Variants in IRF6 observed in about 807,000 individuals in gnomAD.
IRF6 encodes the protein interferon regulatory factor 6, also known as Van der Woude syndrome.
IRF6 carries 6 observed loss-of-function variants against 51.4 expected under a neutral mutation model. That is an observed-to-expected ratio of 0.12 (90% confidence interval 0.06 to 0.23). The LOEUF (loss-of-function observed/expected upper bound fraction) is 0.23, where lower values mean the gene tolerates loss of function less well. Among genes scored for constraint, IRF6 ranks in the 10% least tolerant of loss-of-function variants. The probability of loss-of-function intolerance (pLI) is 1.00; values close to 1 mark genes in which losing one functional copy is unlikely to be tolerated. For missense variants in IRF6, 348 were observed against 585.2 expected (o/e 0.59, Z 4.18); for synonymous variants, 178 against 215.7 (o/e 0.83, Z 1.53).
Position 209,805,146 on chromosome 1 carries a change from A to C in IRF6, c.-76+801T>G, listed in dbSNP as rs371685717. Among the ~76,000 whole-genome samples the C allele has an allele frequency of 6.8e-3, 1,037 of 152,154 alleles. 16 individuals are homozygous for C. The highest frequency in any genetic ancestry group is 0.024 in the African/African-American group (986 of 41,506). On this transcript the variant is annotated intron_variant, in intron 1 of 8. Transcript: ENST00000367021. ...TCCTGGGTCAACACCAGCTTTCACC[A>C]ATCCCACCCAAGCGCCTTCCTCTCT...
At chr1:209,803,460 C>T (rs1285101863) in intron 1 of IRF6, among the ~76,000 whole-genome samples, 2 of 152,208 alleles carry the variant, frequency 1.3e-5, no homozygotes, top group Non-Finnish European at 2.9e-5. Flanking sequence ...CAGGCCAAGA[C>T]CAGGAGCTGC....
Position 209,796,634 on chromosome 1 carries a change from A to ACACACACACAC in IRF6, c.175-83_175-82insGTGTGTGTGTG. On this transcript the variant is annotated intron_variant, in intron 3 of 8. Transcript: ENST00000367021. The surrounding 1 kb of genome is among the most constrained non-coding windows in gnomAD (Gnocchi z 4.5). The stretch of plus-strand genomic sequence containing the variant: ...GTGCTTACCCTTTCTCATAGACACA[A>ACACACACACAC]ACACACACACACACACACACACACA... 1.0e-5 allele frequency: 6 copies of ACACACACACAC among 585,334 alleles called. No individual in the cohort carries two copies. Among genetic ancestry groups the ACACACACACAC allele is most frequent in the South Asian group, 7.4e-5 (4 of 54,024 alleles). 36.3% of individuals were successfully genotyped at this position (585,334 alleles called of 1,614,324 possible). A position where few individuals can be genotyped will look rare whatever the true frequency, so the allele number is the denominator to read the frequency against.
At position 209,790,279 on chromosome 1, in the gene IRF6, C is replaced by T. The variant is rs2077861201; in HGVS notation, c.1060+216G>A. ...CCACAACCAACTTAAAAATAGCTTC[C>T]AAGTACATAGCTTTGGAGTGAAACT... On this transcript the variant is annotated intron_variant, in intron 7 of 8. Transcript: ENST00000367021. This position sits in a 1 kb window ranked among gnomAD's most constrained non-coding sequence, Gnocchi z 4.8. Among the ~76,000 whole-genome samples, 1 of 152,194 alleles carries T rather than the reference C, an allele frequency of 6.6e-6. No individual in the cohort carries two copies. The highest frequency in any genetic ancestry group is 1.5e-5 in the Non-Finnish European group (1 of 68,042).
At chr1:209,805,463 C>T (rs554268209) in intron 1 of IRF6, among the ~76,000 whole-genome samples, 3 of 152,212 alleles carry the variant, frequency 2.0e-5, no homozygotes, top group African/African-American at 4.8e-5. Flanking sequence ...AAGGGCCTAA[C>T]TGTGCCAAAC....
chr1:209,798,512 C>A (rs1558041896), intron 3 of IRF6, among the ~76,000 whole-genome samples: 1 of 152,198 alleles, frequency 6.6e-6, no homozygotes, highest in Non-Finnish European at 1.5e-5. Context: ...AGAGCCCCAG[C>A]CTTCCTGCTC....
intron 1 of IRF6, among the ~76,000 whole-genome samples, chr1:209,802,580 C>T (rs141328379): frequency 0.011 from 1,666 of 152,308 alleles, 27 homozygotes; most frequent in African/African-American, 0.038. Flanking sequence ...TGTTCATCAG[C>T]TACTGTGTGC....
Position 209,789,691 on chromosome 1 carries a change from C to T in IRF6, c.1155G>A (p.Leu385=). ...CCTGAACCAAGATGAGTTTCCTTTC[C>T]AATGGTTTCCCATCTGGCCATTCTT... ...FGEEWPDGKP[L]ERKLILVQVI... is the part of the protein sequence containing the mutation. Residue 385 remains leucine, a synonymous_variant, in exon 8 of 9, where the codon TTG becomes TTA. Coordinates refer to ENST00000367021, the MANE Select transcript of IRF6 (RefSeq NM_006147.4). 5.6e-6 allele frequency: 9 copies of T among 1,613,328 alleles called. No homozygotes were observed. Among genetic ancestry groups the T allele is most frequent in the Non-Finnish European group, 7.6e-6 (9 of 1,179,312 alleles).
chr1:209,790,306 C>T lies in IRF6; in HGVS notation c.1060+189G>A, dbSNP rs1324088350. 6.6e-6 allele frequency among the ~76,000 whole-genome samples: 1 copy of T among 152,204 alleles called. No individual in the cohort carries two copies. Among genetic ancestry groups the T allele is most frequent in the African/African-American group, 2.4e-5 (1 of 41,444 alleles). On this transcript the variant is annotated intron_variant, in intron 7 of 8. Transcript: ENST00000367021. The surrounding 1 kb of genome is among the most constrained non-coding windows in gnomAD (Gnocchi z 4.8). ...AGTACATAGCTTTGGAGTGAAACTC[C>T]CTTCTTTGTTGCCTAGGTCACCTCC...
chr1:209,804,067 A>G (rs935979386), intron 1 of IRF6, among the ~76,000 whole-genome samples: 2 of 152,250 alleles, frequency 1.3e-5, no homozygotes, highest in Non-Finnish European at 2.9e-5. Context: ...TACATTATAT[A>G]TGATTCATAT....
At chr1:209,798,665 C>T (rs1243109303) in intron 3 of IRF6, among the ~76,000 whole-genome samples, 1 of 152,116 alleles carries the variant, frequency 6.6e-6, no homozygotes. Flanking sequence ...AATCCCAGCA[C>T]TTTGGGAGGC....
chr1:209,795,188 A>C (rs1253538723), intron 5 of IRF6, 102 bp downstream of exon 5: 1 of 1,351,392 alleles, frequency 7.4e-7, no homozygotes, highest in African/African-American at 1.4e-5. Context: ...GCAGGGACTG[A>C]TCCTGCTTTC....
rs1240112893 is a variant in IRF6 at position 209,790,819 on chromosome 1, G to C, written c.736C>G (p.Pro246Ala). Residue 246 changes from proline to alanine, a missense_variant, in exon 7 of 9, where the codon CCT (proline) becomes GCT (alanine). This residue lies in a region of IRF6 where 125 missense variants were observed against 222.0 expected (regional missense o/e 0.56). Coordinates refer to ENST00000367021, the MANE Select transcript of IRF6 (RefSeq NM_006147.4). This position sits in a 1 kb window ranked among gnomAD's most constrained non-coding sequence, Gnocchi z 4.8. ...CCATAGAAGAGTCGGCAGCCCTGAG[G>C]GTTGCTCACGGTCATGGTCTGCCCG... ...EYGQTMTVSN[P>A]QGCRLFYGDL... 22 of 1,613,788 alleles carry C rather than the reference G, an allele frequency of 1.4e-5. No homozygotes were observed. Among genetic ancestry groups the C allele is most frequent in the Non-Finnish European group, 1.9e-5 (22 of 1,180,050 alleles).
At position 209,806,089 on chromosome 1, in the gene IRF6, C is replaced by T. The variant is rs148070087; in HGVS notation, c.-218G>A. On this transcript the variant is annotated 5_prime_UTR_variant, in exon 1 of 9. Coordinates refer to ENST00000367021, the MANE Select transcript of IRF6 (RefSeq NM_006147.4). ...AGTAGGGACTGCAGGTTCCTCTCCC[C>T]GTCCCGCACCAGCCCTTACCTGCCC... 53 of 152,520 alleles carry T rather than the reference C, an allele frequency of 3.5e-4. No individual in the cohort carries two copies. The highest frequency in any genetic ancestry group is 1.2e-3 in the African/African-American group (50 of 41,584). The allele number at this position is 152,520 out of a possible 1,614,324, so 9.4% of individuals were successfully genotyped here. A position where few individuals can be genotyped will look rare whatever the true frequency, so the allele number is the denominator to read the frequency against.
chr1:209,803,114 A>C (rs6694552), intron 1 of IRF6, among the ~76,000 whole-genome samples: 25,836 of 152,146 alleles, frequency 0.17, 2,379 homozygotes, highest in African/African-American at 0.22. Flanking sequence ...GTAGGGCAGC[A>C]TGTGAAACCA....
At chr1:209,794,815 A>G (rs147766717) in intron 5 of IRF6, among the ~76,000 whole-genome samples, 96 of 152,350 alleles carry the variant, frequency 6.3e-4, no homozygotes, top group African/African-American at 2.0e-3. Flanking sequence ...GATAAATCCT[A>G]TCAGAGCCAA....
In IRF6 at chr1:209,801,264, T is replaced by C. The variant is rs775616148; in HGVS notation, c.150A>G (p.Gln50=). 2 of 1,613,846 alleles carry C rather than the reference T, an allele frequency of 1.2e-6. No homozygotes were observed. The highest frequency in any genetic ancestry group is 1.3e-5 in the African/African-American group (1 of 74,854). Residue 50 remains glutamine (Q), a synonymous_variant, in exon 3 of 9, where the codon CAA becomes CAG. Transcript: ENST00000367021. The part of the protein sequence containing the change: ...WKHATRHSPQ[Q]EEENTIFKAW... ...CCTTAAAAATGGTATTTTCCTCTTC[T>C]TGTTGAGGGCTATGCCGGGTGGCAT...
rs764137196 is a variant in IRF6, at chr1:209,790,616, G to T, written c.939C>A (p.Ala313=). The T allele has an allele frequency of 5.0e-6, 8 of 1,614,108 alleles. No individual in the cohort carries two copies. ...ILEVSGHAIY[A]IRLCQCKVYW... ...ACACCTTGCACTGGCACAGCCTGAT[G>T]GCATAAATGGCATGACCGCTGACCT... The change falls in exon 7 of 9, where the codon GCC becomes GCA. Residue 313 remains alanine, a synonymous_variant. Transcript: ENST00000367021. This position sits in a 1 kb window ranked among gnomAD's most constrained non-coding sequence, Gnocchi z 4.8.
chr1:209,803,164 G>T (rs759897274), intron 1 of IRF6, among the ~76,000 whole-genome samples: 5 of 152,174 alleles, frequency 3.3e-5, no homozygotes, highest in Non-Finnish European at 7.3e-5. Context: ...TAAGGAGGAG[G>T]GGATGCATAT....
intron 5 of IRF6, among the ~76,000 whole-genome samples, chr1:209,793,911 T>G (rs2077884921): frequency 6.6e-6 from 1 of 152,226 alleles, no homozygotes; most frequent in African/African-American, 2.4e-5. Flanking sequence ...CTTACTCTTT[T>G]TTATGGCTGC....
Sources: allele counts gnomAD v4.1 joint callset (sites outside exome capture counted in the v4.1 genomes callset), GRCh38; gene constraint gnomAD v4.1.1; regional missense constraint gnomAD v4.1.1; non-coding constraint Gnocchi (gnomAD v3.1); transcripts MANE v1.5; gene names NCBI Gene and HGNC (gene_info 2026-07-23, HGNC 2026-07-21).